The following ANKS1B variants were observed in gnomAD, a reference collection of about 807,000 sequenced individuals.
ANKS1B encodes ankyrin repeat and sterile alpha motif domain-containing protein 1B.
A neutral mutation model predicts 148.3 loss-of-function variants in ANKS1B; 36 were observed. That is an observed-to-expected ratio of 0.24 (90% CI 0.19 to 0.32). The LOEUF (loss-of-function observed/expected upper bound fraction) is 0.32. Among genes scored for constraint, ANKS1B ranks in the 10% least tolerant of loss-of-function variants. The pLI, the probability that ANKS1B is intolerant of heterozygous loss-of-function variation, is 1.00. For missense variants in ANKS1B, 1,157 were observed against 1,542.6 expected (o/e 0.75, Z 4.19); for synonymous variants, 542 against 560.8 (o/e 0.97, Z 0.47).
chr12:99,358,941 G>A (rs1391706515), intron 12 of ANKS1B, among the ~76,000 whole-genome samples: 1 of 152,086 alleles, frequency 6.6e-6, no homozygotes, highest in Non-Finnish European at 1.5e-5. Context: ...GCAGCCACTG[G>A]TACAGCCATG....
At chr12:99,466,921 C>A (rs1328075924) in intron 10 of ANKS1B, among the ~76,000 whole-genome samples, 1 of 152,140 alleles carries the variant, frequency 6.6e-6, no homozygotes, top group African/African-American at 2.4e-5. Flanking sequence ...AAGAGGGAAT[C>A]CTTCCTAACT....
At position 99,956,981 on chromosome 12, in the gene ANKS1B, C is replaced by T. The variant is rs1262703786; in HGVS notation, c.134+27123G>A. 2.6e-5 allele frequency among the ~76,000 whole-genome samples: 4 copies of T among 152,226 alleles called. No homozygotes were observed. The East Asian group carries it at 7.7e-4, about 29-fold the overall frequency. Reference sequence around the variant, plus strand: ...TCAGATGCTACAACTACGATTATCACTGTTCCTCGTAAAGTGGAGTCTTAC... The same window carrying T: ...TCAGATGCTACAACTACGATTATCATTGTTCCTCGTAAAGTGGAGTCTTAC... On this transcript the variant is annotated intron_variant, in intron 1 of 26. Transcript: ENST00000683438.
At chr12:99,980,471 A>G (rs1430489232) in intron 1 of ANKS1B, among the ~76,000 whole-genome samples, 1 of 151,986 alleles carries the variant, frequency 6.6e-6, no homozygotes, top group Non-Finnish European at 1.5e-5. Flanking sequence ...TTTTTCTTGC[A>G]AAAATAAGAT....
rs1251200919 is a variant in ANKS1B, at chr12:98,915,214, G to A, written c.2779-83078C>T. On this transcript the variant is annotated intron_variant, in intron 17 of 26. Coordinates refer to ENST00000683438, the MANE Select transcript of ANKS1B (RefSeq NM_001352186.2). ...TTCTAGAAAGAATGGCATGTGAAGA[G>A]AAGGAGATATCCATAGAGGGAAGAT... Among the ~76,000 whole-genome samples, 4 of 152,224 alleles carry A rather than the reference G, an allele frequency of 2.6e-5. No homozygotes were observed. In the East Asian group the frequency reaches 7.7e-4, roughly 29 times the overall value.
In ANKS1B at chr12:98,784,846, G is replaced by A. The variant is rs549241283; in HGVS notation, c.3343-2709C>T. ...ATCTCTGCTCTCCTAACTGGAGGCA[G>A]CACTATGGTGTCAGTGATGCAGGCT... On this transcript the variant is annotated intron_variant, in intron 22 of 26. Transcript: ENST00000683438. 3.9e-5 allele frequency among the ~76,000 whole-genome samples: 6 copies of A among 152,346 alleles called. No homozygotes were observed. In the East Asian group the frequency reaches 1.2e-3, roughly 29 times the overall value.
intron 8 of ANKS1B, among the ~76,000 whole-genome samples, chr12:99,758,771 T>C (rs1422754891): frequency 6.6e-6 from 1 of 151,876 alleles, no homozygotes; most frequent in Non-Finnish European, 1.5e-5. Context: ...GAAATTAGTG[T>C]AATTCTTTAA....
rs140095975 is a variant in ANKS1B, at chr12:98,855,821, C to CTT, written c.2779-23687_2779-23686dup. On this transcript the variant is annotated intron_variant, in intron 17 of 26. Transcript: ENST00000683438. ...CAAAATGTCCTTGTTGTCCTTCTCC[C>CTT]TTTTTTTTTACTACTGGCATTGTCA... 8.6e-5 allele frequency among the ~76,000 whole-genome samples: 13 copies of CTT among 151,474 alleles called. No individual in the cohort carries two copies. The East Asian group carries it at 1.2e-3, about 14-fold the overall frequency.
At chr12:99,220,575 C>T (rs774937330) in intron 14 of ANKS1B, among the ~76,000 whole-genome samples, 1 of 150,856 alleles carries the variant, frequency 6.6e-6, no homozygotes, top group Non-Finnish European at 1.5e-5. Context: ...GCCTCCCAAG[C>T]AGCTGGGACT....
chr12:99,749,265 A>G (rs2153592032), intron 8 of ANKS1B, among the ~76,000 whole-genome samples: 1 of 152,232 alleles, frequency 6.6e-6, no homozygotes, highest in Non-Finnish European at 1.5e-5. Flanking sequence ...TCAAACTTAG[A>G]AATCTTGCTT....
intron 20 of ANKS1B, among the ~76,000 whole-genome samples, chr12:98,803,280 C>G (rs573692795): frequency 6.6e-6 from 1 of 152,114 alleles, no homozygotes; most frequent in East Asian, 1.9e-4. Context: ...GTGATAATAG[C>G]TTAAAATTCT....
chr12:99,603,224 A>G (rs1270246425), intron 9 of ANKS1B, among the ~76,000 whole-genome samples: 1 of 152,016 alleles, frequency 6.6e-6, no homozygotes, highest in Non-Finnish European at 1.5e-5. Context: ...GTTTTGCTGA[A>G]ATTTTCAATT....
In ANKS1B at chr12:99,502,490, G is replaced by T. The variant is rs546090982; in HGVS notation, c.1438+1986C>A. Among the ~76,000 whole-genome samples, 9 of 148,018 alleles carry T rather than the reference G, an allele frequency of 6.1e-5. No homozygotes were observed. In the South Asian group the frequency reaches 1.7e-3, roughly 27 times the overall value. ...CTCCAGTCATATCTCTACATTTCTTGAGGGTTTCAGTATTTGATTCCTAAT... is the reference window on the plus strand; with the variant it reads ...CTCCAGTCATATCTCTACATTTCTTTAGGGTTTCAGTATTTGATTCCTAAT... On this transcript the variant is annotated intron_variant, in intron 10 of 26. Coordinates refer to ENST00000683438, the MANE Select transcript of ANKS1B (RefSeq NM_001352186.2).
chr12:99,807,227 T>C (rs532937943), intron 3 of ANKS1B, among the ~76,000 whole-genome samples: 1 of 152,334 alleles, frequency 6.6e-6, no homozygotes, highest in East Asian at 1.9e-4. Context: ...GAAAAGATTT[T>C]GGCCTTAAGA....
At chr12:99,869,556 C>G (rs1161892353) in intron 1 of ANKS1B, among the ~76,000 whole-genome samples, 2 of 151,778 alleles carry the variant, frequency 1.3e-5, no homozygotes, top group African/African-American at 4.8e-5. Flanking sequence ...TGGAGCATGC[C>G]TATAATCCCA....
At chr12:98,968,317 A>T (rs2153191122) in intron 17 of ANKS1B, among the ~76,000 whole-genome samples, 1 of 152,292 alleles carries the variant, frequency 6.6e-6, no homozygotes, top group South Asian at 2.1e-4. Context: ...GTGCAAATTA[A>T]CAGGACCCCC....
chr12:99,186,269 C>T lies in ANKS1B; in HGVS notation c.2420-31874G>A, dbSNP rs12305015. On this transcript the variant is annotated intron_variant, in intron 14 of 26. Transcript: ENST00000683438. ...GCCTTATAGATAAAACTTCATCTTCCTGGGACAGAGCACCTGGAGGAAGGG... is the reference window on the plus strand; with the variant it reads ...GCCTTATAGATAAAACTTCATCTTCTTGGGACAGAGCACCTGGAGGAAGGG... Among the ~76,000 whole-genome samples, 787 of 152,300 alleles carry T rather than the reference C, an allele frequency of 5.2e-3. 11 individuals are homozygous for T. Among genetic ancestry groups the T allele is most frequent in the African/African-American group, 0.019 (771 of 41,570 alleles).
rs11445634 is a variant in ANKS1B, at chr12:99,864,079, CAAAAAA to C, written c.135-38696_135-38691del. On this transcript the variant is annotated intron_variant, in intron 1 of 26. Coordinates refer to ENST00000683438, the MANE Select transcript of ANKS1B (RefSeq NM_001352186.2). ...CTGGCAACAGAGCGAGACTACATCT[CAAAAAA>C]AAAAAAAAAAAAAAAAGTAGAACCC... Among the ~76,000 whole-genome samples the C allele has an allele frequency of 1.4e-4, 9 of 65,270 alleles. No individual in the cohort carries two copies. In the East Asian group the frequency reaches 3.3e-3, roughly 24 times the overall value. 42.8% of individuals were successfully genotyped at this position (65,270 alleles called of 152,430 possible).
chr12:99,096,495 G>A (rs1364494855), intron 15 of ANKS1B, among the ~76,000 whole-genome samples: 3 of 152,134 alleles, frequency 2.0e-5, no homozygotes, highest in African/African-American at 7.2e-5. Context: ...ATCGCTGTGG[G>A]CAGACAGGCA....
intron 17 of ANKS1B, among the ~76,000 whole-genome samples, chr12:98,846,846 T>C (rs2153742311): frequency 6.6e-6 from 1 of 152,380 alleles, no homozygotes; most frequent in South Asian, 2.1e-4. Flanking sequence ...GAATGACAGT[T>C]ATCAAACTAG....
Sources: gnomAD v4.1 joint callset for allele counts (sites outside exome capture counted in the v4.1 genomes callset) on GRCh38, gnomAD v4.1.1 for gene constraint, MANE v1.5 for transcripts, NCBI Gene and HGNC (gene_info 2026-07-23, HGNC 2026-07-21) for gene names.